The following ZNF618 variants were observed in gnomAD, a reference collection of about 807,000 sequenced individuals.
ZNF618 encodes the protein neural precursor cell expressed, developmentally down-regulated 10.
In ZNF618, 34 loss-of-function variants were observed where a neutral mutation model predicts 103.0. That is an observed-to-expected ratio of 0.33 (90% CI 0.25 to 0.44). The LOEUF (loss-of-function observed/expected upper bound fraction) is 0.44. Ranked by LOEUF, ZNF618 falls within the 20% of genes least tolerant of loss-of-function variation. ZNF618 has a pLI of 1.00. For synonymous variants in ZNF618, 551 were observed against 542.2 expected, an observed-to-expected ratio of 1.02 and a Z score of -0.23; for missense variants, 1,059 against 1,295.4, an observed-to-expected ratio of 0.82 and a Z score of 2.80.
At chr9:113,901,688 C>T (rs1219754111) in intron 1 of ZNF618, among the ~76,000 whole-genome samples, 1 of 152,164 alleles carries the variant, frequency 6.6e-6, no homozygotes, top group Non-Finnish European at 1.5e-5. Flanking sequence ...TCATAAACGC[C>T]ACTGCTTCGT....
chr9:113,900,249 A>T (rs566682072), intron 1 of ZNF618, among the ~76,000 whole-genome samples: 23 of 151,904 alleles, frequency 1.5e-4, no homozygotes, highest in Non-Finnish European at 2.5e-4. Flanking sequence ...TTTGGTAGAG[A>T]TGGGGTTTTA....
chr9:114,048,644 C>T lies in ZNF618; in HGVS notation c.1349-7C>T, dbSNP rs1413614261. On this transcript the variant is annotated splice_polypyrimidine_tract_variant and splice_region_variant and intron_variant, in intron 14 of 14. Transcript: ENST00000374126. ...TTAATCCCATCTGTCTTTGTGTCCTCTGCCAGCCACTACCAGTGGTTTAAC... is the reference window on the plus strand; with the variant it reads ...TTAATCCCATCTGTCTTTGTGTCCTTTGCCAGCCACTACCAGTGGTTTAAC... 6.2e-7 allele frequency: 1 copy of T among 1,604,306 alleles called. No individual in the cohort carries two copies. The highest frequency in any genetic ancestry group is 8.5e-7 in the Non-Finnish European group (1 of 1,173,514).
chr9:113,997,443 G>A (rs1355342462), intron 3 of ZNF618, among the ~76,000 whole-genome samples: 1 of 152,194 alleles, frequency 6.6e-6, no homozygotes, highest in Non-Finnish European at 1.5e-5. Context: ...CTAGTTGTGT[G>A]GCTTGGGAGC....
At chr9:114,009,156 C>G in intron 9 of ZNF618, among the ~76,000 whole-genome samples, 1 of 152,054 alleles carries the variant, frequency 6.6e-6, no homozygotes, top group East Asian at 1.9e-4. Flanking sequence ...GTGGTCCTGC[C>G]CTTGGGTAAT....
At position 113,886,971 on chromosome 9, in the gene ZNF618, CTTTTTTTTT is replaced by C. The variant is rs57000343; in HGVS notation, c.33+10578_33+10586del. ...TTCATTGGTTTCTTTTTACTTTCTA[CTTTTTTTTT>C]TTTTTTTTTTTTTTTTTTTAACAAT... On this transcript the variant is annotated intron_variant, in intron 1 of 14. Transcript: ENST00000374126. Among the ~76,000 whole-genome samples, 178 of 109,482 alleles carry C rather than the reference CTTTTTTTTT, an allele frequency of 1.6e-3. 1 individual carries two copies. Among genetic ancestry groups the C allele is most frequent in the African/African-American group, 5.8e-3 (161 of 27,916 alleles). 71.8% of individuals were successfully genotyped at this position (109,482 alleles called of 152,430 possible).
chr9:113,894,786 T>G (rs1829898477), intron 1 of ZNF618, among the ~76,000 whole-genome samples: 3 of 152,214 alleles, frequency 2.0e-5, no homozygotes, highest in African/African-American at 7.2e-5. Context: ...GAAAAACTAC[T>G]GATTTTTATG....
At chr9:114,027,241 TCTC>T (rs1337214216) in intron 10 of ZNF618, among the ~76,000 whole-genome samples, 1 of 152,160 alleles carries the variant, frequency 6.6e-6, no homozygotes, top group African/African-American at 2.4e-5. Context: ...ACCCAAGACT[TCTC>T]AGTTCCTGAT....
intron 1 of ZNF618, among the ~76,000 whole-genome samples, chr9:113,926,152 GT>G (rs1279501488): frequency 8.3e-4 from 117 of 140,520 alleles, no homozygotes; most frequent in South Asian, 5.2e-3. Flanking sequence ...GGTTGGTGTT[GT>G]TTTTTTTTTT....
At chr9:113,992,263 C>T (rs531937840) in intron 3 of ZNF618, among the ~76,000 whole-genome samples, 2 of 152,232 alleles carry the variant, frequency 1.3e-5, no homozygotes, top group Admixed American at 6.5e-5. Context: ...TACCCATGAC[C>T]TCCTTATTTT....
chr9:114,037,051 G>A (rs866424611), intron 13 of ZNF618, among the ~76,000 whole-genome samples: 3 of 152,218 alleles, frequency 2.0e-5, no homozygotes, highest in African/African-American at 7.2e-5. Flanking sequence ...AGCTACAGGT[G>A]CAGTCATCTG....
At chr9:113,879,733 C>A (rs1406635570) in intron 1 of ZNF618, among the ~76,000 whole-genome samples, 1 of 150,482 alleles carries the variant, frequency 6.6e-6, no homozygotes, top group East Asian at 1.9e-4. Flanking sequence ...TATTCAGTTT[C>A]ACAGTGGAGA....
intron 1 of ZNF618, among the ~76,000 whole-genome samples, chr9:113,962,704 C>T (rs1157619342): frequency 6.6e-6 from 1 of 152,166 alleles, no homozygotes; most frequent in Non-Finnish European, 1.5e-5. Context: ...CAGTGTTCAC[C>T]CAATGATGCC....
chr9:114,016,539 G>A (rs1842660745), intron 9 of ZNF618, among the ~76,000 whole-genome samples, 156 bp from the exon 10 acceptor site: 1 of 152,122 alleles, frequency 6.6e-6, no homozygotes, highest in Non-Finnish European at 1.5e-5. Flanking sequence ...TGTCTGAGCT[G>A]GGATTTGAAT....
At chr9:113,877,054 A>G (rs1237483753) in intron 1 of ZNF618, among the ~76,000 whole-genome samples, 1 of 152,082 alleles carries the variant, frequency 6.6e-6, no homozygotes, top group East Asian at 1.9e-4. Flanking sequence ...ACTACCAGGC[A>G]GTGGAGGGGT....
Position 114,008,461 on chromosome 9 carries a change from G to T in ZNF618, c.677-16G>T, listed in dbSNP as rs77880927. ...CTGGGGGACCAGGGTGCTAAGGGCC[G>T]TGTGTTCTCCCACAGACCCCTTCGA... On this transcript the variant is annotated splice_polypyrimidine_tract_variant and intron_variant, in intron 8 of 14. Transcript: ENST00000374126. 1.9e-6 allele frequency: 3 copies of T among 1,613,800 alleles called. No individual in the cohort carries two copies. The African/African-American group carries it at 4.0e-5, about 22-fold the overall frequency.
chr9:113,932,368 C>T (rs7032030), intron 1 of ZNF618, among the ~76,000 whole-genome samples: 138,465 of 152,180 alleles, frequency 0.91, 63,092 homozygotes, highest in East Asian at 0.99. Context: ...AGCCAGGTCA[C>T]GGAGGGTCAT....
intron 13 of ZNF618, among the ~76,000 whole-genome samples, chr9:114,040,341 T>C (rs946026188): frequency 2.6e-4 from 39 of 151,332 alleles, no homozygotes; most frequent in Middle Eastern, 3.4e-3. Flanking sequence ...TTCTTTCTTT[T>C]TTTTTTTTTT....
rs777270184 is a variant in ZNF618 at position 114,048,698 on chromosome 9, C to T, written c.1396C>T (p.Arg466Trp). 4.4e-5 allele frequency: 71 copies of T among 1,613,772 alleles called. 1 individual carries two copies. Among genetic ancestry groups the T allele is most frequent in the South Asian group, 1.9e-4 (17 of 91,072 alleles). Residue 466 changes from arginine to tryptophan, a missense_variant, in exon 15 of 15, where the codon CGG (arginine) becomes TGG (tryptophan). By Grantham distance (101) the Arg-to-Trp change is moderately radical. Transcript: ENST00000374126. ...TPNSMIPEKE[R>W]QNIAERLLRV... ...CAACAGCATGATCCCCGAAAAGGAG[C>T]GGCAGAACATCGCAGAGCGGCTGTT...
At chr9:114,044,527 C>CT (rs1845493644) in intron 13 of ZNF618, among the ~76,000 whole-genome samples, 1 of 152,042 alleles carries the variant, frequency 6.6e-6, no homozygotes, top group Non-Finnish European at 1.5e-5. Context: ...TATGCAAGCT[C>CT]TTTTTTGGTA....
Sources: gnomAD v4.1 joint callset for allele counts (sites outside exome capture counted in the v4.1 genomes callset) on GRCh38, gnomAD v4.1.1 for gene constraint, MANE v1.5 for transcripts, NCBI Gene and HGNC (gene_info 2026-07-23, HGNC 2026-07-21) for gene names.